ADAM22: variants seen among roughly 807,000 people sequenced by gnomAD.
ADAM22 encodes disintegrin and metalloproteinase domain-containing protein 22.
Under a neutral mutation model 144.6 loss-of-function variants are expected in ADAM22, and 65 were observed. The ratio of observed to expected loss-of-function variants is 0.45; its 90% CI spans 0.37 to 0.55. The LOEUF (loss-of-function observed/expected upper bound fraction) is 0.55. Among genes scored for constraint, ADAM22 ranks in the 20% least tolerant of loss-of-function variants. The pLI, the probability that ADAM22 is intolerant of heterozygous loss-of-function variation, is 0.00. For missense variants in ADAM22, 974 were observed against 1,184.9 expected, an observed-to-expected ratio of 0.82 and a Z score of 2.61; for synonymous variants, 391 against 412.6, an observed-to-expected ratio of 0.95 and a Z score of 0.63.
intron 2 of ADAM22, among the ~76,000 whole-genome samples, chr7:87,964,302 C>T (rs1848593593): frequency 6.6e-6 from 1 of 152,190 alleles, no homozygotes; most frequent in African/African-American, 2.4e-5. Flanking sequence ...GATAATGTGA[C>T]TTGATTTGTG....
chr7:88,126,745 C>T (rs930535678), intron 8 of ADAM22, among the ~76,000 whole-genome samples: 9 of 151,824 alleles, frequency 5.9e-5, no homozygotes, highest in African/African-American at 2.2e-4. Flanking sequence ...CTGAAATGCT[C>T]CAGTGAGCAT....
chr7:88,181,756 T>C, intron 28 of ADAM22, 151 bp downstream of exon 28: 1 of 820,574 alleles, frequency 1.2e-6, no homozygotes, highest in Admixed American at 2.9e-5. Context: ...AGTTTTTATC[T>C]GGATGGGAAA....
chr7:88,138,897 G>T (rs1245587408), intron 14 of ADAM22, among the ~76,000 whole-genome samples: 4 of 152,208 alleles, frequency 2.6e-5, no homozygotes, highest in African/African-American at 9.6e-5. Context: ...TCCCTGTTGG[G>T]GAGTTTACTG....
intron 3 of ADAM22, among the ~76,000 whole-genome samples, chr7:88,062,392 C>G (rs916265821): frequency 2.0e-5 from 3 of 152,176 alleles, no homozygotes; most frequent in Admixed American, 2.0e-4. Flanking sequence ...ATCAAGCAGC[C>G]TCTGCTAGCT....
chr7:87,985,230 G>A (rs925344296), intron 3 of ADAM22, among the ~76,000 whole-genome samples: 34 of 151,336 alleles, frequency 2.2e-4, no homozygotes, highest in African/African-American at 3.6e-4. Context: ...AGAGAATGGC[G>A]TGAACCCAGG....
At chr7:88,108,306 A>T (rs1824998575) in intron 5 of ADAM22, 48 bp downstream of exon 5, 5 of 1,489,242 alleles carry the variant, frequency 3.4e-6, no homozygotes, top group Middle Eastern at 1.7e-4. Context: ...TCAATAATTT[A>T]TTTTCTTTAT....
At position 88,129,332 on chromosome 7, in the gene ADAM22, A is replaced by C. The variant is rs549470333; in HGVS notation, c.753+656A>C. Reference sequence around the variant, plus strand: ...CAAAGTTTTAAACTAAAAATGTTTAATGATGCATATTGCTGAATTTTACTT... The same window carrying C: ...CAAAGTTTTAAACTAAAAATGTTTACTGATGCATATTGCTGAATTTTACTT... On this transcript the variant is annotated intron_variant, in intron 9 of 31. Coordinates refer to ENST00000413139, the MANE Select transcript of ADAM22 (RefSeq NM_001324418.2). Among the ~76,000 whole-genome samples the C allele has an allele frequency of 2.0e-5, 3 of 152,170 alleles. No individual in the cohort carries two copies. In the East Asian group the frequency reaches 5.8e-4, roughly 29 times the overall value.
At chr7:88,057,714 G>GT (rs1372591699) in intron 3 of ADAM22, among the ~76,000 whole-genome samples, 1 of 152,180 alleles carries the variant, frequency 6.6e-6, no homozygotes, top group Non-Finnish European at 1.5e-5. Context: ...AGAAATAATT[G>GT]TAAGTTGGCT....
chr7:88,096,882 C>CT (rs1056951556), intron 4 of ADAM22, among the ~76,000 whole-genome samples: 2 of 152,062 alleles, frequency 1.3e-5, no homozygotes, highest in Non-Finnish European at 1.5e-5. Flanking sequence ...AAGCACTTTA[C>CT]TTTTTCATGC....
chr7:88,065,300 A>G (rs767396657), intron 3 of ADAM22, among the ~76,000 whole-genome samples: 19 of 152,034 alleles, frequency 1.2e-4, no homozygotes, highest in Non-Finnish European at 1.6e-4. Flanking sequence ...CTAATTGAAG[A>G]GTTTTTGTTG....
chr7:88,161,959 A>G (rs1442967709), intron 22 of ADAM22, among the ~76,000 whole-genome samples: 2 of 152,066 alleles, frequency 1.3e-5, no homozygotes, highest in African/African-American at 4.8e-5. Context: ...TACTGGGTAT[A>G]AACCCAAAGG....
chr7:88,196,174 A>G (rs1032826035), intron 31 of ADAM22, among the ~76,000 whole-genome samples: 3 of 152,196 alleles, frequency 2.0e-5, no homozygotes, highest in African/African-American at 7.2e-5. Flanking sequence ...AAATTCTTTT[A>G]TTTCATTTGA....
chr7:88,153,735 T>C (rs765930370), intron 21 of ADAM22, among the ~76,000 whole-genome samples: 6 of 152,198 alleles, frequency 3.9e-5, no homozygotes, highest in Non-Finnish European at 8.8e-5. Context: ...AAAGTGATCC[T>C]TCCCTCTACA....
intron 3 of ADAM22, among the ~76,000 whole-genome samples, chr7:88,014,648 C>T (rs1297961142): frequency 6.6e-6 from 1 of 152,068 alleles, no homozygotes; most frequent in Non-Finnish European, 1.5e-5. Context: ...GAGGCTGAAG[C>T]AGGAGGTAAA....
At chr7:88,185,916 T>C (rs1314872752) in intron 29 of ADAM22, 1 of 152,124 alleles carries the variant, frequency 6.6e-6, no homozygotes, top group Non-Finnish European at 1.5e-5. Context: ...TATTCTGGAG[T>C]GCACAAAGAA....
intron 19 of ADAM22, 47 bp downstream of exon 19, chr7:88,151,078 A>G: frequency 6.3e-7 from 1 of 1,579,380 alleles, no homozygotes; most frequent in Non-Finnish European, 8.7e-7. Flanking sequence ...TACCAGCATG[A>G]AAGGAATACT....
intron 3 of ADAM22, among the ~76,000 whole-genome samples, chr7:88,027,965 T>G (rs1799407782): frequency 6.6e-6 from 1 of 152,164 alleles, no homozygotes; most frequent in Non-Finnish European, 1.5e-5. Context: ...TAATTTTGTA[T>G]TTTTAGTAGA....
intron 4 of ADAM22, among the ~76,000 whole-genome samples, chr7:88,099,029 G>T (rs1026172330): frequency 6.6e-6 from 1 of 152,174 alleles, no homozygotes; most frequent in Non-Finnish European, 1.5e-5. Context: ...TTAACCAGTA[G>T]TGTATATGAG....
chr7:87,942,808 T>G (rs1842732273), intron 2 of ADAM22, among the ~76,000 whole-genome samples: 1 of 152,148 alleles, frequency 6.6e-6, no homozygotes, highest in African/African-American at 2.4e-5. Flanking sequence ...ACACCAAAAT[T>G]GTATATGCCT....
Sources: allele counts gnomAD v4.1 joint callset (sites outside exome capture counted in the v4.1 genomes callset), GRCh38; gene constraint gnomAD v4.1.1; transcripts MANE v1.5; gene names NCBI Gene and HGNC (gene_info 2026-07-23, HGNC 2026-07-21).